VPS13B: variants seen among roughly 807,000 people sequenced by gnomAD.
VPS13B encodes the protein vacuolar protein sorting 13 homolog B, also known as intermembrane lipid transfer protein VPS13B.
VPS13B carries 285 observed loss-of-function variants against 426.4 expected under a neutral mutation model. The observed-to-expected ratio is 0.67, with a 90% CI of 0.61 to 0.74. The LOEUF (loss-of-function observed/expected upper bound fraction) is 0.74. Ranked by LOEUF, VPS13B falls within the 30% of genes least tolerant of loss-of-function variation. The probability of loss-of-function intolerance (pLI) is 0.00; values close to 1 mark genes in which losing one functional copy is unlikely to be tolerated. For missense variants in VPS13B, 4,537 were observed against 4,782.6 expected, an observed-to-expected ratio of 0.95 and a Z score of 1.51; for synonymous variants, 1,676 against 1,676.4, an observed-to-expected ratio of 1.00 and a Z score of 0.01.
At chr8:99,859,982 G>T (rs980583120) in intron 57 of VPS13B, among the ~76,000 whole-genome samples, 1 of 152,260 alleles carries the variant, frequency 6.6e-6, no homozygotes, top group South Asian at 2.1e-4. Context: ...ACAGGTCATC[G>T]GGCATGGAGG....
At chr8:99,044,248 T>C (rs1280736777) in intron 3 of VPS13B, among the ~76,000 whole-genome samples, 1 of 151,660 alleles carries the variant, frequency 6.6e-6, no homozygotes, top group Non-Finnish European at 1.5e-5. Context: ...CTCAACCAGC[T>C]AATTTTTTGT....
chr8:99,122,894 C>T (rs534832499), intron 8 of VPS13B, among the ~76,000 whole-genome samples: 5 of 151,942 alleles, frequency 3.3e-5, no homozygotes, highest in Admixed American at 6.5e-5. Context: ...GGCCAGATCA[C>T]CTGAGATCTG....
At chr8:99,430,136 C>T (rs1036845781) in intron 21 of VPS13B, among the ~76,000 whole-genome samples, 1 of 152,022 alleles carries the variant, frequency 6.6e-6, no homozygotes, top group Non-Finnish European at 1.5e-5. Context: ...TTTACAATTT[C>T]TGATATTGAC....
At chr8:99,269,887 CAA>C (rs1818485143) in intron 17 of VPS13B, among the ~76,000 whole-genome samples, 1 of 151,948 alleles carries the variant, frequency 6.6e-6, no homozygotes, top group Non-Finnish European at 1.5e-5. Flanking sequence ...CAATGTCTAT[CAA>C]GAGATGAATA....
intron 19 of VPS13B, among the ~76,000 whole-genome samples, chr8:99,357,501 G>A (rs2133226618): frequency 6.6e-6 from 1 of 151,974 alleles, no homozygotes; most frequent in African/African-American, 2.4e-5. Context: ...ATCTGTCCCA[G>A]CATTTTTATT....
intron 31 of VPS13B, among the ~76,000 whole-genome samples, chr8:99,572,930 G>C (rs1825559923): frequency 6.6e-6 from 1 of 152,164 alleles, no homozygotes. Flanking sequence ...CAGTGTAAAA[G>C]TGTTCCTATT....
chr8:99,315,724 C>A (rs1171913554), intron 19 of VPS13B, among the ~76,000 whole-genome samples: 1 of 151,906 alleles, frequency 6.6e-6, no homozygotes, highest in Non-Finnish European at 1.5e-5. Context: ...GCAAGCTCCG[C>A]CTCCCGGGTT....
chr8:99,720,652 G>T, intron 38 of VPS13B, 100 bp downstream of exon 38: 2 of 1,361,014 alleles, frequency 1.5e-6, no homozygotes, highest in Non-Finnish European at 2.1e-6. Context: ...GCTTTTTAAA[G>T]TGCGTTAAAA....
At chr8:99,595,155 TA>T (rs1475209165) in intron 33 of VPS13B, among the ~76,000 whole-genome samples, 2 of 151,958 alleles carry the variant, frequency 1.3e-5, no homozygotes, top group African/African-American at 4.8e-5. Flanking sequence ...GAGTGCCCTA[TA>T]TTTTTTTGAA....
chr8:99,720,419 G>C lies in VPS13B; in HGVS notation c.6732G>C (p.Glu2244Asp). The change falls in exon 38 of 62, where the codon GAG (glutamate) becomes GAC (aspartate). Residue 2244 changes from glutamate (E) to aspartate (D), a missense_variant. Glu to Asp is a conservative substitution (Grantham distance 45). Coordinates refer to ENST00000357162, the MANE Select transcript of VPS13B (RefSeq NM_152564.5). Reference sequence around the variant, plus strand: ...TACTCAATGGATACCTTAATGAGGAGGGAAATTTTGAAGTACAAGTTTCTG... The same window carrying C: ...TACTCAATGGATACCTTAATGAGGACGGAAATTTTGAAGTACAAGTTTCTG... ...HELLNGYLNE[E>D]GNFEVQVSEP... is the part of the protein sequence containing the mutation. 6.2e-7 allele frequency: 1 copy of C among 1,613,906 alleles called. No individual in the cohort carries two copies. Among genetic ancestry groups the C allele is most frequent in the Non-Finnish European group, 8.5e-7 (1 of 1,179,904 alleles).
rs1207503858 is a variant in VPS13B, at chr8:99,274,336, T to C, written c.2650+4T>C. 1 of 1,614,000 alleles carries C rather than the reference T, an allele frequency of 6.2e-7. No homozygotes were observed. The highest frequency in any genetic ancestry group is 8.5e-7 in the Non-Finnish European group (1 of 1,179,998). ...AAAATTTGTGCCAAAGCCCCAGGTA[T>C]GTGCAGCTGGACCGTGTAAAACTTT... On this transcript the variant is annotated splice_donor_region_variant and intron_variant, in intron 18 of 61. Coordinates refer to ENST00000357162, the MANE Select transcript of VPS13B (RefSeq NM_152564.5).
intron 14 of VPS13B, among the ~76,000 whole-genome samples, chr8:99,149,073 T>C (rs1810912281): frequency 6.6e-6 from 1 of 152,242 alleles, no homozygotes; most frequent in Non-Finnish European, 1.5e-5. Context: ...TGTGGTTGAG[T>C]ATTGCCTTCA....
Position 99,510,996 on chromosome 8 carries a change from G to A in VPS13B, c.4225-108G>A, listed in dbSNP as rs113574142. 1,149 of 1,234,928 alleles carry A rather than the reference G, an allele frequency of 9.3e-4. 10 individuals are homozygous for A. The highest frequency in any genetic ancestry group is 7.9e-3 in the South Asian group (625 of 78,832). 76.5% of individuals were successfully genotyped at this position (1,234,928 alleles called of 1,614,324 possible). A position where few individuals can be genotyped will look rare whatever the true frequency, so the allele number is the denominator to read the frequency against. Reference sequence around the variant, plus strand: ...TCATGTGTTTATTAAGAAGTGTAGGGTAAGACCAAGAGGTAAAAATACTCA... The same window carrying A: ...TCATGTGTTTATTAAGAAGTGTAGGATAAGACCAAGAGGTAAAAATACTCA... On this transcript the variant is annotated intron_variant, in intron 28 of 61. Transcript: ENST00000357162.
intron 6 of VPS13B, among the ~76,000 whole-genome samples, chr8:99,113,059 CCT>C (rs1847455847): frequency 6.6e-6 from 1 of 150,480 alleles, no homozygotes; most frequent in African/African-American, 2.4e-5. Flanking sequence ...CTTCCCCTCC[CCT>C]CTGTTTCCCT....
rs143817809 is a variant in VPS13B at position 99,822,827 on chromosome 8, TATATTCC to T, written c.9184-1002_9184-996del. Reference sequence around the variant, plus strand: ...TTTAAAACACAAGAATATACAAATATATATTCCATTAGCTATCACAGTAATAACATCT... The same window carrying T: ...TTTAAAACACAAGAATATACAAATATATTAGCTATCACAGTAATAACATCT... On this transcript the variant is annotated intron_variant, in intron 50 of 61. Transcript: ENST00000357162. 2.5e-3 allele frequency among the ~76,000 whole-genome samples: 378 copies of T among 152,312 alleles called. 2 individuals carry two copies. The highest frequency in any genetic ancestry group is 8.8e-3 in the African/African-American group (367 of 41,570).
intron 17 of VPS13B, among the ~76,000 whole-genome samples, chr8:99,204,791 A>G (rs1234261387): frequency 6.6e-6 from 1 of 152,270 alleles, no homozygotes; most frequent in Non-Finnish European, 1.5e-5. Context: ...AATGCAAATA[A>G]AAACCACAGT....
At chr8:99,141,561 T>C (rs1810423461) in intron 12 of VPS13B, among the ~76,000 whole-genome samples, 1 of 152,220 alleles carries the variant, frequency 6.6e-6, no homozygotes, top group Admixed American at 6.5e-5. Context: ...GTGAATGGTA[T>C]GTTATTTATA....
intron 34 of VPS13B, among the ~76,000 whole-genome samples, chr8:99,650,273 G>A (rs984503575): frequency 6.6e-5 from 10 of 151,900 alleles, no homozygotes; most frequent in East Asian, 3.8e-4. Flanking sequence ...GATTCTTCCC[G>A]TGTCACCAAT....
Position 99,128,135 on chromosome 8 carries a change from A to G in VPS13B, c.1207-6497A>G, listed in dbSNP as rs781143824. Among the ~76,000 whole-genome samples the G allele has an allele frequency of 1.1e-3, 164 of 152,064 alleles. 1 individual carries two copies. Among genetic ancestry groups the G allele is most frequent in the Non-Finnish European group, 1.3e-3 (86 of 68,004 alleles). ...GCTGGGCATGATGGCTCACACCTGTAATCCCAGCACTTTGGGAGGCTGAGG... is the reference window on the plus strand; with the variant it reads ...GCTGGGCATGATGGCTCACACCTGTGATCCCAGCACTTTGGGAGGCTGAGG... On this transcript the variant is annotated intron_variant, in intron 8 of 61. Transcript: ENST00000357162.
Sources: allele counts gnomAD v4.1 joint callset (sites outside exome capture counted in the v4.1 genomes callset), GRCh38; gene constraint gnomAD v4.1.1; transcripts MANE v1.5; gene names NCBI Gene and HGNC (gene_info 2026-07-23, HGNC 2026-07-21).